TDRD12: variants seen among roughly 807,000 people sequenced by gnomAD.
TDRD12 encodes the protein putative ATP-dependent RNA helicase TDRD12.
TDRD12 carries 158 observed loss-of-function variants against 133.5 expected under a neutral mutation model. The observed-to-expected ratio is 1.18, with a 90% confidence interval of 1.04 to 1.35. The LOEUF is 1.35. TDRD12 is among the 40% of genes most tolerant of loss of function. The pLI is 0.00. For synonymous variants in TDRD12, 460 were observed against 477.9 expected (o/e 0.96, Z 0.49); for missense variants, 1,443 against 1,321.3 (o/e 1.09, Z -1.43).
chr19:32,776,472 T>A (rs1970588856), intron 10 of TDRD12, among the ~76,000 whole-genome samples: 1 of 152,200 alleles, frequency 6.6e-6, no homozygotes, highest in African/African-American at 2.4e-5. Flanking sequence ...ACTTTCTGGT[T>A]TAAAGGGCGC....
intron 4 of TDRD12, among the ~76,000 whole-genome samples, chr19:32,748,095 C>T (rs752593883): frequency 5.9e-5 from 9 of 152,164 alleles, no homozygotes; most frequent in Non-Finnish European, 1.2e-4. Context: ...GCATGTGTCG[C>T]GCCCTCTCTG....
At chr19:32,825,942 C>T (rs138139554), downstream of TDRD12, among the ~76,000 whole-genome samples, 344 of 152,250 alleles carry the variant, frequency 2.3e-3, 2 homozygotes, top group Admixed American at 4.3e-3. The surrounding 1 kb of genome is among the most constrained non-coding windows in gnomAD (Gnocchi z 4.1). Flanking sequence ...TCTAACTGTT[C>T]TTTGCAGCTA....
chr19:32,744,682 G>A (rs1199205642), intron 4 of TDRD12, among the ~76,000 whole-genome samples: 1 of 151,992 alleles, frequency 6.6e-6, no homozygotes, highest in African/African-American at 2.4e-5. Context: ...TTCCCTCTCG[G>A]GTGCGGGCGC....
At chr19:32,720,014 C>A (rs945681418) in exon 1 of TDRD12, 1 of 1,541,294 alleles carries the variant, frequency 6.5e-7, no homozygotes, top group Non-Finnish European at 8.7e-7. Context: ...CCAGCCTCAC[C>A]CGCGACGGTA....
chr19:32,749,751 C>G, intron 5 of TDRD12, 33 bp from the exon 6 acceptor site: 1 of 1,432,846 alleles, frequency 7.0e-7, no homozygotes, highest in Non-Finnish European at 9.6e-7. Context: ...CTTTTAACAT[C>G]AGCTGATTTG....
At chr19:32,816,298 C>G (rs572621566) in intron 26 of TDRD12, among the ~76,000 whole-genome samples, 3 of 152,282 alleles carry the variant, frequency 2.0e-5, no homozygotes, top group South Asian at 2.1e-4. Context: ...GAGCCTGGCT[C>G]AGAGCCTCCC....
chr19:32,785,952 G>A (rs748818054), intron 11 of TDRD12, among the ~76,000 whole-genome samples: 4 of 152,108 alleles, frequency 2.6e-5, no homozygotes, highest in African/African-American at 7.2e-5. Flanking sequence ...TATTGTATGT[G>A]TGAATTTGAT....
At chr19:32,816,538 G>C (rs1190081181) in intron 26 of TDRD12, among the ~76,000 whole-genome samples, 1 of 152,186 alleles carries the variant, frequency 6.6e-6, no homozygotes, top group Non-Finnish European at 1.5e-5. Context: ...CCATTCTACT[G>C]TTGACTGGGG....
At chr19:32,795,484 G>A (rs1249571224) in intron 14 of TDRD12, among the ~76,000 whole-genome samples, 1 of 152,156 alleles carries the variant, frequency 6.6e-6, no homozygotes, top group Non-Finnish European at 1.5e-5. Context: ...TGAGGCTCAG[G>A]AAGAGTTACT....
chr19:32,821,937 G>A (rs1967410992), downstream of TDRD12, among the ~76,000 whole-genome samples: 2 of 152,104 alleles, frequency 1.3e-5, no homozygotes, highest in African/African-American at 4.8e-5. Flanking sequence ...TATGAACTTG[G>A]CACTGAGTTA....
At chr19:32,733,770 T>C (rs1969133261) in intron 2 of TDRD12, among the ~76,000 whole-genome samples, 2 of 152,180 alleles carry the variant, frequency 1.3e-5, no homozygotes, top group African/African-American at 4.8e-5. Flanking sequence ...TCTCATTCCT[T>C]CTGCATTCAT....
chr19:32,811,478 T>C (rs1967004650), intron 24 of TDRD12, 58 bp downstream of exon 24: 1 of 1,432,502 alleles, frequency 7.0e-7, no homozygotes, highest in African/African-American at 1.4e-5. Context: ...TAACCGAGAA[T>C]ATACACAGAA....
intron 4 of TDRD12, among the ~76,000 whole-genome samples, chr19:32,745,194 C>A (rs1240930675): frequency 1.3e-5 from 2 of 152,224 alleles, no homozygotes; most frequent in African/African-American, 4.8e-5. Context: ...ATTGGGGCCC[C>A]TGTGTGTGCA....
chr19:32,819,764 A>G (rs1049271261), intron 27 of TDRD12, among the ~76,000 whole-genome samples: 3 of 152,184 alleles, frequency 2.0e-5, no homozygotes, highest in Non-Finnish European at 4.4e-5. Flanking sequence ...TCATGCTGTG[A>G]CCCGCAGATC....
chr19:32,755,943 G>T (rs58721340), intron 6 of TDRD12, 49 bp from the exon 7 acceptor site: 18 of 1,279,004 alleles, frequency 1.4e-5, no homozygotes, highest in Non-Finnish European at 8.3e-6. Context: ...CTTTAAAATC[G>T]CTTGACTATA....
At chr19:32,780,854 C>T (rs1970742832) in intron 11 of TDRD12, among the ~76,000 whole-genome samples, 1 of 150,308 alleles carries the variant, frequency 6.7e-6, no homozygotes, top group African/African-American at 2.5e-5. Context: ...AACTTCTGGC[C>T]TCAAGCAATC....
intron 26 of TDRD12, 49 bp downstream of exon 26, chr19:32,815,669 C>G (rs1223397021): frequency 2.0e-6 from 3 of 1,483,592 alleles, no homozygotes; most frequent in South Asian, 2.5e-5. Context: ...TTTGGAAATA[C>G]AACTCACAAG....
At chr19:32,753,124 G>T (rs1233298766) in intron 6 of TDRD12, among the ~76,000 whole-genome samples, 1 of 152,180 alleles carries the variant, frequency 6.6e-6, no homozygotes, top group South Asian at 2.1e-4. Flanking sequence ...AGCAGCTCTG[G>T]TTCCTTTTAT....
intron 13 of TDRD12, 95 bp from the exon 14 acceptor site, chr19:32,794,533 T>A: frequency 1.6e-6 from 1 of 624,974 alleles, no homozygotes; most frequent in East Asian, 2.7e-5. Flanking sequence ...GGTTTGGCAA[T>A]GTGTAGTGCT....
Sources: allele counts gnomAD v4.1 joint callset (sites outside exome capture counted in the v4.1 genomes callset), GRCh38; gene constraint gnomAD v4.1.1; non-coding constraint Gnocchi (gnomAD v3.1); transcripts MANE v1.5; gene names NCBI Gene and HGNC (gene_info 2026-07-23, HGNC 2026-07-21).